Variants in E2F5 observed in about 807,000 individuals in gnomAD.
The protein encoded by E2F5 is transcription factor E2F5.
A neutral mutation model predicts 39.1 loss-of-function variants in E2F5; 23 were observed. The observed-to-expected ratio is 0.59, with a 90% CI of 0.42 to 0.83. E2F5 has a LOEUF of 0.83. Ranked by LOEUF, E2F5 falls within the 40% of genes least tolerant of loss-of-function variation. The probability of loss-of-function intolerance (pLI) is 0.00; values close to 1 mark genes in which losing one functional copy is unlikely to be tolerated. For missense variants in E2F5, 365 were observed against 406.7 expected (o/e 0.90, Z 0.88); for synonymous variants, 145 against 157.8 (o/e 0.92, Z 0.61).
chr8:85,202,363 G>A (rs946128752), intron 2 of E2F5, 107 bp downstream of exon 2: 4 of 787,960 alleles, frequency 5.1e-6, no homozygotes, highest in Non-Finnish European at 7.9e-6. Context: ...ATTTCAGTCA[G>A]GCCCCTCAGC....
Position 85,189,838 on chromosome 8 carries a change from G to T in E2F5, c.234+12184G>T, listed in dbSNP as rs77266256. ...GTGTGCCCCGTTGTTCTTTATTTTA[G>T]TAGCTTCCAGATTATAATTATCAGA... On this transcript the variant is annotated intron_variant, in intron 1 of 7. Coordinates refer to ENST00000416274, the MANE Select transcript of E2F5 (RefSeq NM_001951.4). Among the ~76,000 whole-genome samples, 10 of 151,908 alleles carry T rather than the reference G, an allele frequency of 6.6e-5. No homozygotes were observed. In the East Asian group the frequency reaches 1.9e-3, roughly 29 times the overall value.
intron 4 of E2F5, among the ~76,000 whole-genome samples, 172 bp from the exon 5 acceptor site, chr8:85,207,252 TA>T (rs1327124421): frequency 1.3e-5 from 2 of 152,194 alleles, no homozygotes. Flanking sequence ...ATCCTCAAAA[TA>T]AATCTATGCA....
At chr8:85,181,268 G>A (rs1812206982) in intron 1 of E2F5, among the ~76,000 whole-genome samples, 1 of 152,074 alleles carries the variant, frequency 6.6e-6, no homozygotes, top group Non-Finnish European at 1.5e-5. Context: ...CCACATAGAT[G>A]CTATTTCTTT....
At chr8:85,178,445 A>G (rs1411748698) in intron 1 of E2F5, among the ~76,000 whole-genome samples, 1 of 152,240 alleles carries the variant, frequency 6.6e-6, no homozygotes, top group Non-Finnish European at 1.5e-5. Flanking sequence ...AGCAGGCATC[A>G]AAAGCTGTTC....
chr8:85,208,756 T>C (rs1034723505), intron 5 of E2F5, among the ~76,000 whole-genome samples: 1 of 152,154 alleles, frequency 6.6e-6, no homozygotes, highest in Non-Finnish European at 1.5e-5. Context: ...AGAGTTTGAT[T>C]TGTGAAGCAT....
intron 4 of E2F5, among the ~76,000 whole-genome samples, chr8:85,206,725 T>G (rs1048305914): frequency 6.6e-6 from 1 of 152,196 alleles, no homozygotes; most frequent in African/African-American, 2.4e-5. Context: ...AACAATATCA[T>G]GTTAATAATT....
In E2F5 at chr8:85,209,222, G is replaced by A; in HGVS notation, c.696G>A (p.Glu232=). Residue 232 remains glutamate, a synonymous_variant, in exon 6 of 8, where the codon GAG becomes GAA. Coordinates refer to ENST00000416274, the MANE Select transcript of E2F5 (RefSeq NM_001951.4). ...GPIHVLLINK[E]SSSSKPVVFP... is the part of the protein sequence containing the mutation. ...TCCATGTGCTGCTTATAAATAAAGA[G>A]TCGAGTTCATCTAAGCCCGTGGTTT... 6.2e-7 allele frequency: 1 copy of A among 1,613,962 alleles called. No homozygotes were observed. Among genetic ancestry groups the A allele is most frequent in the Non-Finnish European group, 8.5e-7 (1 of 1,179,902 alleles).
chr8:85,202,084 C>G (rs1812709567), intron 1 of E2F5, 63 bp from the exon 2 acceptor site: 1 of 1,357,414 alleles, frequency 7.4e-7, no homozygotes, highest in Non-Finnish European at 1.0e-6. Context: ...ATAATCAACC[C>G]TTTTTGGCTT....
chr8:85,196,175 G>C (rs932882141), intron 1 of E2F5, among the ~76,000 whole-genome samples: 1 of 152,058 alleles, frequency 6.6e-6, no homozygotes, highest in Non-Finnish European at 1.5e-5. Context: ...AGCGCTTTGC[G>C]TCTTTAAAGT....
chr8:85,209,530 T>C, intron 6 of E2F5, 121 bp downstream of exon 6: 2 of 1,199,890 alleles, frequency 1.7e-6, no homozygotes, highest in Non-Finnish European at 2.3e-6. Context: ...TTTGGAATAT[T>C]TGCATATACA....
At chr8:85,193,828 G>A (rs980354331) in intron 1 of E2F5, among the ~76,000 whole-genome samples, 3 of 152,076 alleles carry the variant, frequency 2.0e-5, no homozygotes, top group South Asian at 2.1e-4. Context: ...TCCACTCCCC[G>A]AGTGGTGTTT....
At chr8:85,193,205 C>T (rs1270539987) in intron 1 of E2F5, among the ~76,000 whole-genome samples, 1 of 151,938 alleles carries the variant, frequency 6.6e-6, no homozygotes, top group Non-Finnish European at 1.5e-5. Context: ...ATGTTCCTGG[C>T]CAGGTGCAGT....
Position 85,211,774 on chromosome 8 carries a change from A to G in E2F5, c.884-383A>G, listed in dbSNP as rs892465044. 2.7e-5 allele frequency among the ~76,000 whole-genome samples: 4 copies of G among 147,100 alleles called. No individual in the cohort carries two copies. The Admixed American group carries it at 2.8e-4, about 10-fold the overall frequency. ...CACCTCAGTCTCCCAAGTAGTTGGG[A>G]CTATAGGCACGTGCCATGAATGTCT... On this transcript the variant is annotated intron_variant, in intron 6 of 7. Coordinates refer to ENST00000416274, the MANE Select transcript of E2F5 (RefSeq NM_001951.4).
intron 5 of E2F5, among the ~76,000 whole-genome samples, chr8:85,208,551 A>C (rs1812846370): frequency 6.6e-6 from 1 of 152,122 alleles, no homozygotes; most frequent in African/African-American, 2.4e-5. Flanking sequence ...ATAACCAAAA[A>C]AGGGAGTAGA....
At chr8:85,191,801 G>T (rs573400851) in intron 1 of E2F5, among the ~76,000 whole-genome samples, 1 of 152,258 alleles carries the variant, frequency 6.6e-6, no homozygotes, top group South Asian at 2.1e-4. Context: ...GTAGGCCAGG[G>T]ACTGTCTTCT....
chr8:85,185,718 CA>C lies in E2F5; in HGVS notation c.234+8068del, dbSNP rs1812317185. On this transcript the variant is annotated intron_variant, in intron 1 of 7. Transcript: ENST00000416274. ...GCAAAGGATATGAACAGACACTTCT[CA>C]AAAGAAGACTTTTATGCAGCCAACA... Among the ~76,000 whole-genome samples, 3 of 152,256 alleles carry C rather than the reference CA, an allele frequency of 2.0e-5. No homozygotes were observed. In the South Asian group the frequency reaches 6.2e-4, roughly 32 times the overall value.
rs1812368111 is a variant in E2F5, at chr8:85,187,474, T to C, written c.234+9820T>C. 2.6e-5 allele frequency among the ~76,000 whole-genome samples: 4 copies of C among 152,204 alleles called. No homozygotes were observed. In the South Asian group the frequency reaches 8.3e-4, roughly 31 times the overall value. On this transcript the variant is annotated intron_variant, in intron 1 of 7. Coordinates refer to ENST00000416274, the MANE Select transcript of E2F5 (RefSeq NM_001951.4). ...CTTTATATATTTAGGTGCTGCTATA[T>C]TGGGTTCACACATATTTACAACTGT...
chr8:85,209,348 G>A lies in E2F5; in HGVS notation c.822G>A (p.Glu274=). The A allele has an allele frequency of 6.2e-7, 1 of 1,613,914 alleles. No homozygotes were observed. Among genetic ancestry groups the A allele is most frequent in the African/African-American group, 1.3e-5 (1 of 75,052 alleles). Residue 274 remains glutamate, a synonymous_variant, in exon 6 of 8, where the codon GAG becomes GAA. Coordinates refer to ENST00000416274, the MANE Select transcript of E2F5 (RefSeq NM_001951.4). ...KSSMATQNLP[E]QHVSERSQAL... is the part of the protein sequence containing the mutation. ...GCATGGCAACTCAAAATCTGCCTGAGCAACATGTCTCTGAAAGAAGCCAGG... is the reference window on the plus strand; with the variant it reads ...GCATGGCAACTCAAAATCTGCCTGAACAACATGTCTCTGAAAGAAGCCAGG...
intron 3 of E2F5, among the ~76,000 whole-genome samples, chr8:85,204,560 G>A (rs1007850316): frequency 8.9e-6 from 1 of 112,546 alleles, no homozygotes; most frequent in African/African-American, 3.4e-5. Flanking sequence ...GGGGAGGGGG[G>A]AGGGAGAGCA....
Sources: gnomAD v4.1 joint callset for allele counts (sites outside exome capture counted in the v4.1 genomes callset) on GRCh38, gnomAD v4.1.1 for gene constraint, MANE v1.5 for transcripts, NCBI Gene and HGNC (gene_info 2026-07-23, HGNC 2026-07-21) for gene names.